Variants in SLC35E3 observed in about 807,000 individuals in gnomAD.
The protein encoded by SLC35E3 is solute carrier family 35 member E3.
SLC35E3 carries 28 observed loss-of-function variants against 30.8 expected under a neutral mutation model. That is an observed-to-expected ratio of 0.91 (90% CI 0.67 to 1.25). SLC35E3 has a LOEUF of 1.25. Ranked by LOEUF, SLC35E3 falls within the 50% of genes most tolerant of loss-of-function variation. SLC35E3 has a pLI of 0.00. For synonymous variants in SLC35E3, 146 were observed against 149.2 expected, an observed-to-expected ratio of 0.98 and a Z score of 0.16; for missense variants, 365 against 375.4, an observed-to-expected ratio of 0.97 and a Z score of 0.23.
chr12:68,748,594 C>T (rs1200485897), intron 2 of SLC35E3, among the ~76,000 whole-genome samples: 1 of 151,964 alleles, frequency 6.6e-6, no homozygotes, highest in Admixed American at 6.6e-5. Context: ...TTTGTGCAAG[C>T]GCAGTGCCTT....
chr12:68,753,411 C>T (rs892263446), intron 3 of SLC35E3, among the ~76,000 whole-genome samples: 2 of 151,850 alleles, frequency 1.3e-5, no homozygotes, highest in African/African-American at 4.8e-5. Context: ...CAAGATAGCA[C>T]CACTGCATTT....
At chr12:68,756,902 C>G (rs1879036214) in intron 3 of SLC35E3, among the ~76,000 whole-genome samples, 1 of 152,178 alleles carries the variant, frequency 6.6e-6, no homozygotes, top group Non-Finnish European at 1.5e-5. Context: ...GTAGTCTCAG[C>G]TACTTGGGAC....
At chr12:68,764,564 A>G (rs1879319735) in intron 4 of SLC35E3, 140 bp from the exon 5 acceptor site, 2 of 600,714 alleles carry the variant, frequency 3.3e-6, no homozygotes, top group South Asian at 3.0e-5. Flanking sequence ...CTGGGATTAC[A>G]GGCATGATCC....
At chr12:68,754,785 T>G (rs10784724) in intron 3 of SLC35E3, among the ~76,000 whole-genome samples, 86,481 of 151,832 alleles carry the variant, frequency 0.57, 24,705 homozygotes, top group South Asian at 0.76. Context: ...TTAGAGACAG[T>G]GTCTGGCTAT....
At chr12:68,748,387 G>A (rs987773544) in intron 2 of SLC35E3, among the ~76,000 whole-genome samples, 1 of 152,026 alleles carries the variant, frequency 6.6e-6, no homozygotes, top group Non-Finnish European at 1.5e-5. Context: ...TAACATTGTT[G>A]TGAAGGAGTG....
rs1179919831 is a variant in SLC35E3 at position 68,747,958 on chromosome 12, A to G, written c.431A>G (p.Asn144Ser). ...LIPITLGVILNSYYDVKFNFL... is the reference protein window; with the variant it reads ...LIPITLGVILSSYYDVKFNFL... ...CCTATAACTTTAGGTGTAATCCTAA[A>G]TTCTTATTACGATGTGAAGTTTAAT... Residue 144 changes from asparagine (N) to serine (S), a missense_variant, in exon 2 of 5, where the codon AAT (asparagine) becomes AGT (serine). Coordinates refer to ENST00000398004, the MANE Select transcript of SLC35E3 (RefSeq NM_018656.5). 5 of 1,604,874 alleles carry G rather than the reference A, an allele frequency of 3.1e-6. No individual in the cohort carries two copies. The highest frequency in any genetic ancestry group is 4.5e-5 in the East Asian group (2 of 44,708).
rs1221787831 is a variant in SLC35E3 at position 68,777,912 on chromosome 12, GTT to G, written c.*13024_*13025del. On this transcript the variant is annotated 3_prime_UTR_variant, in exon 5 of 5. Coordinates refer to ENST00000398004, the MANE Select transcript of SLC35E3 (RefSeq NM_018656.5). The stretch of plus-strand genomic sequence containing the variant: ...GTGGGCGGATCACTTGAGATCAGGA[GTT>G]TAAGACCAGCCTGGCCAACATGGTG... The G allele has an allele frequency of 6.6e-6, 1 of 152,220 alleles. No individual in the cohort carries two copies. The highest frequency in any genetic ancestry group is 1.5e-5 in the Non-Finnish European group (1 of 68,096). The allele number at this position is 152,220 out of a possible 1,614,324, so 9.4% of individuals were successfully genotyped here. A position where few individuals can be genotyped will look rare whatever the true frequency, so the allele number is the denominator to read the frequency against.
chr12:68,755,591 A>G (rs1878969661), intron 3 of SLC35E3, among the ~76,000 whole-genome samples: 2 of 152,232 alleles, frequency 1.3e-5, no homozygotes, highest in South Asian at 4.1e-4. Context: ...AGACAGTACA[A>G]GAAGCATTAG....
Position 68,747,923 on chromosome 12 carries a change from G to A in SLC35E3, c.403-7G>A, listed in dbSNP as rs767997540. 1.5e-5 allele frequency: 22 copies of A among 1,443,046 alleles called. No homozygotes were observed. In the South Asian group the frequency reaches 1.8e-4, roughly 12 times the overall value. 89.4% of individuals were successfully genotyped at this position (1,443,046 alleles called of 1,614,324 possible). ...TCTGAACAACATTTACCTCTTTTTC[G>A]TTACAGATTCCTATAACTTTAGGTG... On this transcript the variant is annotated splice_polypyrimidine_tract_variant and splice_region_variant and intron_variant, in intron 1 of 4. Coordinates refer to ENST00000398004, the MANE Select transcript of SLC35E3 (RefSeq NM_018656.5).
intron 4 of SLC35E3, among the ~76,000 whole-genome samples, chr12:68,760,428 A>G (rs1879203024): frequency 6.6e-6 from 1 of 152,238 alleles, no homozygotes; most frequent in Non-Finnish European, 1.5e-5. Flanking sequence ...AGACACTGTT[A>G]GAAACATTTT....
rs201303961 is a variant in SLC35E3, at chr12:68,747,266, C to CTT, written c.402+500_402+501dup. On this transcript the variant is annotated intron_variant, in intron 1 of 4. Coordinates refer to ENST00000398004, the MANE Select transcript of SLC35E3 (RefSeq NM_018656.5). ...TTAGTAACTTATTTAAGGTCTTTTT[C>CTT]TTTTTTTTTTTTTTCTTTTTGAGAC... 1.3e-3 allele frequency among the ~76,000 whole-genome samples: 183 copies of CTT among 143,794 alleles called. 2 individuals are homozygous for CTT. The highest frequency in any genetic ancestry group is 2.3e-3 in the African/African-American group (91 of 39,120). 94.3% of individuals were successfully genotyped at this position (143,794 alleles called of 152,430 possible). A position where few individuals can be genotyped will look rare whatever the true frequency, so the allele number is the denominator to read the frequency against.
In SLC35E3 at chr12:68,776,210, C is replaced by CATAAAAAAAAAAAAAAAAAAAA. The variant is rs1211525020; in HGVS notation, c.*11321_*11322insTAAAAAAAAAAAAAAAAAAAAA. 6.9e-5 allele frequency: 1 copy of CATAAAAAAAAAAAAAAAAAAAA among 14,596 alleles called. No homozygotes were observed. The highest frequency in any genetic ancestry group is 1.8e-4 in the Non-Finnish European group (1 of 5,544). The allele number at this position is 14,596 out of a possible 1,614,324, so 0.9% of individuals were successfully genotyped here. On this transcript the variant is annotated 3_prime_UTR_variant, in exon 5 of 5. Transcript: ENST00000398004. Reference sequence around the variant, plus strand: ...GGGTGACAAGAGCAAAACTCTGTCTCACAAAAAAAAAAAAAAGGCCAGGCA... The same window carrying CATAAAAAAAAAAAAAAAAAAAA: ...GGGTGACAAGAGCAAAACTCTGTCTCATAAAAAAAAAAAAAAAAAAAAACAAAAAAAAAAAAAAGGCCAGGCA...
At position 68,776,533 on chromosome 12, in the gene SLC35E3, A is replaced by T. The variant is rs2136088099; in HGVS notation, c.*11643A>T. 1 of 152,500 alleles carries T rather than the reference A, an allele frequency of 6.6e-6. No individual in the cohort carries two copies. The highest frequency in any genetic ancestry group is 1.9e-4 in the East Asian group (1 of 5,190). The allele number at this position is 152,500 out of a possible 1,614,324, so 9.4% of individuals were successfully genotyped here. A position where few individuals can be genotyped will look rare whatever the true frequency, so the allele number is the denominator to read the frequency against. On this transcript the variant is annotated 3_prime_UTR_variant, in exon 5 of 5. Transcript: ENST00000398004. ...GTCTCAAAAAAAAAAAAAGAAAAGA[A>T]AAATTAGTCAGCTGTGATGGTGTGC... is the stretch of plus-strand genomic sequence containing the variant.
Position 68,771,090 on chromosome 12 carries a change from A to T in SLC35E3, c.*6200A>T, listed in dbSNP as rs760922773. ...GGAGTTTGAGACCAGCCTGACCAAC[A>T]TGGTGAAACCCCGTCTCTACTAAAA... is the stretch of plus-strand genomic sequence containing the variant. On this transcript the variant is annotated 3_prime_UTR_variant, in exon 5 of 5. Transcript: ENST00000398004. 1 of 152,200 alleles carries T rather than the reference A, an allele frequency of 6.6e-6. No individual in the cohort carries two copies. Among genetic ancestry groups the T allele is most frequent in the African/African-American group, 2.4e-5 (1 of 41,424 alleles). The allele number at this position is 152,200 out of a possible 1,614,324, so 9.4% of individuals were successfully genotyped here. A position where few individuals can be genotyped will look rare whatever the true frequency, so the allele number is the denominator to read the frequency against.
Position 68,756,853 on chromosome 12 carries a change from T to C in SLC35E3, c.673-2304T>C, listed in dbSNP as rs557904683. 3.9e-5 allele frequency among the ~76,000 whole-genome samples: 6 copies of C among 152,108 alleles called. No individual in the cohort carries two copies. The South Asian group carries it at 8.3e-4, about 21-fold the overall frequency. On this transcript the variant is annotated intron_variant, in intron 3 of 4. Transcript: ENST00000398004. ...GGTGAAACCCCGTCTCTACTAAAAA[T>C]ACAAAAACAAAATTAGCTGGGCGTG...
At position 68,764,959 on chromosome 12, in the gene SLC35E3, T is replaced by TA. The variant is rs374568291; in HGVS notation, c.*81dup. 78,823 of 1,089,014 alleles carry TA rather than the reference T, an allele frequency of 0.072. No homozygotes were observed. Among genetic ancestry groups the TA allele is most frequent in the South Asian group, 0.085 (4,531 of 53,496 alleles). 67.5% of individuals were successfully genotyped at this position (1,089,014 alleles called of 1,614,324 possible). A position where few individuals can be genotyped will look rare whatever the true frequency, so the allele number is the denominator to read the frequency against. ...AAATATTGTTAAGTGTGCAAGTTATTAAAAAAAAAAAATTGGGCCAGGCAC... is the reference window on the plus strand; with the variant it reads ...AAATATTGTTAAGTGTGCAAGTTATTAAAAAAAAAAAAATTGGGCCAGGCAC... On this transcript the variant is annotated 3_prime_UTR_variant, in exon 5 of 5. Coordinates refer to ENST00000398004, the MANE Select transcript of SLC35E3 (RefSeq NM_018656.5).
intron 3 of SLC35E3, among the ~76,000 whole-genome samples, chr12:68,756,039 T>A (rs1878987854): frequency 6.6e-6 from 1 of 152,208 alleles, no homozygotes; most frequent in Non-Finnish European, 1.5e-5. Flanking sequence ...AAAGTCTGTG[T>A]TCTCCAGTGC....
rs1000116096 is a variant in SLC35E3, at chr12:68,748,035, C to G, written c.508C>G (p.Gln170Glu). 3 of 1,584,244 alleles carry G rather than the reference C, an allele frequency of 1.9e-6. No homozygotes were observed. The African/African-American group carries it at 4.1e-5, about 21-fold the overall frequency. The change falls in exon 2 of 5, where the codon CAA (glutamine) becomes GAA (glutamate). Residue 170 changes from glutamine to glutamate, a missense_variant. Coordinates refer to ENST00000398004, the MANE Select transcript of SLC35E3 (RefSeq NM_018656.5). The part of the protein sequence containing the change: ...ALGVLVTSLY[Q>E]VWVGAKQHEL... ...TGGTGTTTTAGTTACATCCCTTTAT[C>G]AAGTGGTTGGTAATTTTTTTTTCTT...
chr12:68,776,848 C>G lies in SLC35E3; in HGVS notation c.*11958C>G, dbSNP rs1305671988. 1 of 152,134 alleles carries G rather than the reference C, an allele frequency of 6.6e-6. No homozygotes were observed. Among genetic ancestry groups the G allele is most frequent in the African/African-American group, 2.4e-5 (1 of 41,414 alleles). 9.4% of individuals were successfully genotyped at this position (152,134 alleles called of 1,614,324 possible). A position where few individuals can be genotyped will look rare whatever the true frequency, so the allele number is the denominator to read the frequency against. The stretch of plus-strand genomic sequence containing the variant: ...TGTTGCTGGCTTGGAATGAATGAAC[C>G]AGTTCCAGCCAGGAACAGACTTTCC... On this transcript the variant is annotated 3_prime_UTR_variant, in exon 5 of 5. Transcript: ENST00000398004.
Sources: allele counts gnomAD v4.1 joint callset (sites outside exome capture counted in the v4.1 genomes callset), GRCh38; gene constraint gnomAD v4.1.1; transcripts MANE v1.5; gene names NCBI Gene and HGNC (gene_info 2026-07-23, HGNC 2026-07-21).